Variants in PTPRD observed in about 807,000 individuals in gnomAD.
The protein encoded by PTPRD is receptor-type tyrosine-protein phosphatase delta.
PTPRD carries 34 observed loss-of-function variants against 214.5 expected under a neutral mutation model. The ratio of observed to expected loss-of-function variants is 0.16; its 90% confidence interval spans 0.12 to 0.21. The LOEUF (loss-of-function observed/expected upper bound fraction) is 0.21, where lower values mean the gene tolerates loss of function less well. Among genes scored for constraint, PTPRD ranks in the 10% least tolerant of loss-of-function variants. The pLI is 1.00. For missense variants in PTPRD, 2,545 were observed against 2,398.7 expected (o/e 1.06, Z -1.27); for synonymous variants, 1,128 against 845.7 (o/e 1.33, Z -5.79).
intron 14 of PTPRD, among the ~76,000 whole-genome samples, chr9:8,595,279 G>A (rs1313573109): frequency 2.0e-5 from 3 of 151,322 alleles, no homozygotes; most frequent in Non-Finnish European, 4.4e-5. Context: ...CACATGATAA[G>A]CTTACTCTGA....
intron 9 of PTPRD, among the ~76,000 whole-genome samples, chr9:9,333,504 T>TTTTATATATATATATATA (rs544075539): frequency 7.3e-6 from 1 of 137,246 alleles, no homozygotes; most frequent in African/African-American, 2.9e-5. Flanking sequence ...ATATAGTATA[T>TTTTATATATATATATATA]TATATATATA....
At chr9:10,444,744 C>T (rs1017940673) in intron 2 of PTPRD, among the ~76,000 whole-genome samples, 1 of 151,354 alleles carries the variant, frequency 6.6e-6, no homozygotes, top group African/African-American at 2.4e-5. Context: ...AATTTAAATA[C>T]AATAAAGTGT....
At chr9:9,609,294 C>T (rs2094380199) in intron 7 of PTPRD, among the ~76,000 whole-genome samples, 1 of 152,044 alleles carries the variant, frequency 6.6e-6, no homozygotes, top group South Asian at 2.1e-4. Flanking sequence ...GACAACAATT[C>T]AGTCTGAGGT....
intron 3 of PTPRD, among the ~76,000 whole-genome samples, chr9:10,149,951 G>C (rs994175814): frequency 1.3e-5 from 2 of 152,010 alleles, no homozygotes; most frequent in Non-Finnish European, 2.9e-5. Flanking sequence ...GGCTGGTCTT[G>C]AACTCTTGAC....
intron 30 of PTPRD, among the ~76,000 whole-genome samples, chr9:8,474,234 A>G (rs770335221): frequency 2.5e-4 from 38 of 151,942 alleles, no homozygotes; most frequent in Non-Finnish European, 5.1e-4. Context: ...ATCCAGCTAC[A>G]TTATGATCTT....
At chr9:9,080,331 T>C (rs140393276) in intron 10 of PTPRD, among the ~76,000 whole-genome samples, 67 of 152,114 alleles carry the variant, frequency 4.4e-4, no homozygotes, top group Admixed American at 1.4e-3. Context: ...TCAAAATACA[T>C]GGAAAAGTAA....
chr9:9,507,554 T>A (rs868340800), intron 8 of PTPRD, among the ~76,000 whole-genome samples: 1 of 151,368 alleles, frequency 6.6e-6, no homozygotes, highest in African/African-American at 2.4e-5. Flanking sequence ...GAACAGAAAG[T>A]AAAGCTAGTA....
At chr9:10,301,994 G>T (rs1596491370) in intron 3 of PTPRD, among the ~76,000 whole-genome samples, 1 of 152,206 alleles carries the variant, frequency 6.6e-6, no homozygotes, top group African/African-American at 2.4e-5. Flanking sequence ...TTGAAATGAA[G>T]GAAAAAATGT....
At chr9:9,995,312 C>T (rs1018176747) in intron 4 of PTPRD, among the ~76,000 whole-genome samples, 1 of 151,912 alleles carries the variant, frequency 6.6e-6, no homozygotes, top group Admixed American at 6.6e-5. Context: ...GATGGTGAAA[C>T]TAAAAAGAGA....
At chr9:8,389,455 G>C in intron 36 of PTPRD, 48 bp from the exon 37 acceptor site, 1 of 1,474,380 alleles carries the variant, frequency 6.8e-7, no homozygotes, top group Non-Finnish European at 9.3e-7. Flanking sequence ...ATCACAAGAG[G>C]AAACAGCCTG....
chr9:9,130,845 A>T (rs1389141337), intron 10 of PTPRD, among the ~76,000 whole-genome samples: 1 of 152,172 alleles, frequency 6.6e-6, no homozygotes, highest in Non-Finnish European at 1.5e-5. Flanking sequence ...GATGGTTAGC[A>T]TCGTATATCA....
chr9:9,430,984 T>C (rs911059875), intron 8 of PTPRD, among the ~76,000 whole-genome samples: 22 of 152,168 alleles, frequency 1.4e-4, no homozygotes, highest in Non-Finnish European at 2.8e-4. Context: ...ATTCAGGACA[T>C]AGGCATGGGC....
chr9:9,818,349 G>A (rs899284153), intron 5 of PTPRD, among the ~76,000 whole-genome samples: 1 of 152,084 alleles, frequency 6.6e-6, no homozygotes, highest in East Asian at 1.9e-4. Context: ...TATCAGCTGA[G>A]CATTTCAGCC....
chr9:9,546,359 G>A (rs1052941039), intron 8 of PTPRD, among the ~76,000 whole-genome samples: 6 of 151,350 alleles, frequency 4.0e-5, no homozygotes, highest in Admixed American at 2.6e-4. Flanking sequence ...TAGAACTTAT[G>A]CAATTTTTAT....
intron 31 of PTPRD, among the ~76,000 whole-genome samples, chr9:8,466,624 G>C (rs762162039): frequency 1.3e-5 from 2 of 151,860 alleles, no homozygotes; most frequent in Non-Finnish European, 2.9e-5. Context: ...GTCTGTATTA[G>C]TCTGGGATGC....
chr9:9,738,419 T>C (rs1297863478), intron 6 of PTPRD, among the ~76,000 whole-genome samples: 1 of 151,028 alleles, frequency 6.6e-6, no homozygotes, highest in Non-Finnish European at 1.5e-5. Context: ...AAATATGTAT[T>C]AAAATTCTTC....
intron 2 of PTPRD, among the ~76,000 whole-genome samples, chr9:10,358,952 T>A (rs1348604887): frequency 6.6e-6 from 1 of 152,058 alleles, no homozygotes; most frequent in Non-Finnish European, 1.5e-5. Flanking sequence ...TGTAAACTCA[T>A]ACTTTGCCAT....
chr9:9,033,692 C>T (rs1360679883), intron 10 of PTPRD, among the ~76,000 whole-genome samples: 11 of 152,116 alleles, frequency 7.2e-5, no homozygotes, highest in Non-Finnish European at 2.9e-5. Context: ...TTCTCTTTCT[C>T]TGTCTCTCTC....
intron 11 of PTPRD, among the ~76,000 whole-genome samples, chr9:8,990,708 T>C (rs994660727): frequency 2.0e-5 from 3 of 152,154 alleles, no homozygotes; most frequent in Non-Finnish European, 4.4e-5. Flanking sequence ...GAAATTGATG[T>C]ACCTTGTTTG....
Sources: allele counts gnomAD v4.1 joint callset (sites outside exome capture counted in the v4.1 genomes callset), GRCh38; gene constraint gnomAD v4.1.1; transcripts MANE v1.5; gene names NCBI Gene and HGNC (gene_info 2026-07-23, HGNC 2026-07-21).